The following USP40 variants were observed in gnomAD, a reference collection of about 807,000 sequenced individuals.
The protein encoded by USP40 is ubiquitin specific peptidase 40.
USP40 carries 143 observed loss-of-function variants against 166.2 expected under a neutral mutation model. The observed-to-expected ratio is 0.86, with a 90% CI of 0.75 to 0.99. The LOEUF is 0.99. USP40 is among the 50% of genes least tolerant of loss of function. USP40 has a pLI of 0.00. For missense variants in USP40, 1,444 were observed against 1,479.7 expected (o/e 0.98, Z 0.40); for synonymous variants, 498 against 524.0 (o/e 0.95, Z 0.68).
chr2:233,555,939 C>A (rs1167197930), intron 5 of USP40, among the ~76,000 whole-genome samples: 1 of 151,550 alleles, frequency 6.6e-6, no homozygotes, highest in African/African-American at 2.4e-5. Flanking sequence ...ATGGTGAAAC[C>A]CCGTCTCTAC....
intron 18 of USP40, among the ~76,000 whole-genome samples, chr2:233,515,205 T>C (rs2067103739): frequency 6.6e-6 from 1 of 152,256 alleles, no homozygotes; most frequent in African/African-American, 2.4e-5. Context: ...GGAACATTTA[T>C]GTCTTTATAA....
chr2:233,532,434 T>C (rs1304468124), intron 11 of USP40, among the ~76,000 whole-genome samples: 2 of 152,132 alleles, frequency 1.3e-5, no homozygotes, highest in Non-Finnish European at 2.9e-5. Flanking sequence ...TCCCAATTCA[T>C]TTACATGAGG....
At chr2:233,500,927 T>C (rs2066036037) in intron 21 of USP40, among the ~76,000 whole-genome samples, 1 of 152,192 alleles carries the variant, frequency 6.6e-6, no homozygotes, top group Non-Finnish European at 1.5e-5. Flanking sequence ...ATTGCAACAG[T>C]GACTTCTAGA....
rs2071762510 is a variant in USP40 at position 233,562,729 on chromosome 2, A to C, written c.267+7T>G. 1 of 1,504,546 alleles carries C rather than the reference A, an allele frequency of 6.6e-7. No individual in the cohort carries two copies. 93.2% of individuals were successfully genotyped at this position (1,504,546 alleles called of 1,614,324 possible). On this transcript the variant is annotated splice_region_variant and intron_variant, in intron 3 of 31. Transcript: ENST00000678225. ...TTAAAGTATAATAATAATAATAATA[A>C]AAATACCTTTGCATCGGGTTTATCC...
Position 233,493,395 on chromosome 2 carries a change from C to T in USP40, c.2917+30G>A, listed in dbSNP as rs546061984. 19 of 1,613,928 alleles carry T rather than the reference C, an allele frequency of 1.2e-5. No homozygotes were observed. In the Admixed American group the frequency reaches 1.7e-4, roughly 14 times the overall value. On this transcript the variant is annotated intron_variant, in intron 25 of 31. Coordinates refer to ENST00000678225, the MANE Select transcript of USP40 (RefSeq NM_001365479.2). The surrounding 1 kb of genome is among the most constrained non-coding windows in gnomAD (Gnocchi z 4.7). The stretch of plus-strand genomic sequence containing the variant: ...TCAATTTACTTCTCTTTATGATGCA[C>T]TGGCTGCTGAAATCCCATTCTGTTC...
intron 21 of USP40, among the ~76,000 whole-genome samples, chr2:233,506,400 A>C (rs1267854107): frequency 6.6e-6 from 1 of 152,172 alleles, no homozygotes; most frequent in Non-Finnish European, 1.5e-5. Flanking sequence ...GAAACTACTA[A>C]AGGAAAACAT....
intron 5 of USP40, 64 bp downstream of exon 5, chr2:233,556,791 C>T (rs1224838276): frequency 6.9e-7 from 1 of 1,450,836 alleles, no homozygotes; most frequent in Non-Finnish European, 9.3e-7. Flanking sequence ...ATATATCATA[C>T]ATTTAATTAC....
chr2:233,497,199 G>A (rs2065799966), intron 23 of USP40, among the ~76,000 whole-genome samples: 1 of 152,212 alleles, frequency 6.6e-6, no homozygotes, highest in South Asian at 2.1e-4. Flanking sequence ...CTAAGTTAAG[G>A]TTGATAGTAA....
At chr2:233,478,908 T>C (rs1490169368) in intron 31 of USP40, among the ~76,000 whole-genome samples, 3 of 152,172 alleles carry the variant, frequency 2.0e-5, no homozygotes, top group African/African-American at 7.2e-5. Context: ...AGAGGCTGTG[T>C]ACCTGGGGAG....
intron 6 of USP40, among the ~76,000 whole-genome samples, chr2:233,552,435 T>G (rs2070663278): frequency 6.6e-6 from 1 of 152,100 alleles, no homozygotes. Context: ...AATATAAATT[T>G]AGAAGTATCA....
Position 233,525,900 on chromosome 2 carries a change from G to C in USP40, c.1726-338C>G, listed in dbSNP as rs148369854. ...TCAGCCTAGGAATTTTTACTCAAAA[G>C]AGCAAGACTAATTTGCAGAATTAGC... On this transcript the variant is annotated intron_variant, in intron 13 of 31. Transcript: ENST00000678225. Among the ~76,000 whole-genome samples the C allele has an allele frequency of 2.6e-5, 4 of 152,310 alleles. No individual in the cohort carries two copies. The East Asian group carries it at 7.7e-4, about 29-fold the overall frequency.
Position 233,491,278 on chromosome 2 carries a change from C to A in USP40, c.2918-17G>T, listed in dbSNP as rs1414102550. On this transcript the variant is annotated splice_polypyrimidine_tract_variant and intron_variant, in intron 25 of 31. Transcript: ENST00000678225. ...CAGAAGCACCTTCCAAAGGACAGAG[C>A]GGGATGTTTACAAGGAACTTGAAAC... 10 of 1,581,834 alleles carry A rather than the reference C, an allele frequency of 6.3e-6. No homozygotes were observed. Among genetic ancestry groups the A allele is most frequent in the Non-Finnish European group, 8.7e-6 (10 of 1,153,976 alleles).
At chr2:233,514,470 G>A (rs1483671295) in intron 18 of USP40, among the ~76,000 whole-genome samples, 1 of 152,130 alleles carries the variant, frequency 6.6e-6, no homozygotes, top group Non-Finnish European at 1.5e-5. Flanking sequence ...ACTGAGAAAC[G>A]CAGAAAAGTC....
chr2:233,502,855 C>T (rs1427946390), intron 21 of USP40, among the ~76,000 whole-genome samples: 2 of 151,828 alleles, frequency 1.3e-5, no homozygotes, highest in South Asian at 2.1e-4. Flanking sequence ...AACAGACACC[C>T]TAGAATCCAT....
chr2:233,485,780 G>A lies in USP40; in HGVS notation c.3395C>T (p.Pro1132Leu), dbSNP rs762595908. ...KYFPEKFEWL[P>L]ISSWNQQITK... The stretch of plus-strand genomic sequence containing the variant: ...CCACAACTTTACCCAGCTAGATATC[G>A]GAAGCCACTCGAACTTTTCGGGAAA... The change falls in exon 29 of 32, where the codon CCG (proline) becomes CTG (leucine). Residue 1132 changes from proline to leucine, a missense_variant. By Grantham distance (98) the Pro-to-Leu change is moderately conservative. Transcript: ENST00000678225. 80 of 1,612,768 alleles carry A rather than the reference G, an allele frequency of 5.0e-5. No homozygotes were observed. The highest frequency in any genetic ancestry group is 5.3e-5 in the Non-Finnish European group (63 of 1,179,612).
chr2:233,506,399 A>G (rs750432116), intron 21 of USP40, among the ~76,000 whole-genome samples: 23 of 152,186 alleles, frequency 1.5e-4, no homozygotes, highest in Non-Finnish European at 2.9e-4. Context: ...TGAAACTACT[A>G]AAGGAAAACA....
chr2:233,548,472 T>C (rs1055382886), intron 8 of USP40, among the ~76,000 whole-genome samples: 1 of 152,162 alleles, frequency 6.6e-6, no homozygotes, highest in Admixed American at 6.5e-5. Context: ...GCTATAGGAA[T>C]TGTGCTGTCT....
At position 233,559,806 on chromosome 2, in the gene USP40, C is replaced by G. The variant is rs149755973; in HGVS notation, c.381+5G>C. ...AACTCTTCCTTAAAGAGCTGATCCT[C>G]GTACCTCATTACTGGTCCACCCAAA... On this transcript the variant is annotated splice_donor_5th_base_variant and intron_variant, in intron 4 of 31. Transcript: ENST00000678225. The G allele has an allele frequency of 3.1e-6, 5 of 1,594,638 alleles. No homozygotes were observed. The highest frequency in any genetic ancestry group is 4.3e-6 in the Non-Finnish European group (5 of 1,168,808).
At chr2:233,565,756 A>C (rs984267011) in intron 1 of USP40, among the ~76,000 whole-genome samples, 183 bp from the exon 2 acceptor site, 1 of 152,066 alleles carries the variant, frequency 6.6e-6, no homozygotes. Flanking sequence ...CAGGACCCTA[A>C]CTACCTGTGT....
Sources: gnomAD v4.1 joint callset for allele counts (sites outside exome capture counted in the v4.1 genomes callset) on GRCh38, gnomAD v4.1.1 for gene constraint, Gnocchi (gnomAD v3.1) non-coding constraint, MANE v1.5 for transcripts, NCBI Gene and HGNC (gene_info 2026-07-23, HGNC 2026-07-21) for gene names.